IFT80: variants seen among roughly 807,000 people sequenced by gnomAD.
IFT80 encodes the protein intraflagellar transport 80, also known as intraflagellar transport protein 80 homolog.
IFT80 carries 79 observed loss-of-function variants against 107.9 expected under a neutral mutation model. The observed-to-expected ratio is 0.73, with a 90% CI of 0.61 to 0.88. The LOEUF is 0.88. Among genes scored for constraint, IFT80 ranks in the 40% least tolerant of loss-of-function variants. The pLI is 0.00. For synonymous variants in IFT80, 299 were observed against 300.9 expected (o/e 0.99, Z 0.07); for missense variants, 797 against 914.2 (o/e 0.87, Z 1.65).
chr3:160,340,163 A>T (rs1012625826), intron 8 of IFT80, among the ~76,000 whole-genome samples: 14 of 152,218 alleles, frequency 9.2e-5, no homozygotes, highest in Admixed American at 2.6e-4. Flanking sequence ...ATTTTAAGAA[A>T]TAATTTCTTA....
At chr3:160,353,025 T>C (rs530936520) in intron 8 of IFT80, among the ~76,000 whole-genome samples, 2 of 152,294 alleles carry the variant, frequency 1.3e-5, no homozygotes, top group African/African-American at 4.8e-5. Flanking sequence ...AAGGTAACTA[T>C]CTAAAATTGA....
In IFT80 at chr3:160,305,695, T is replaced by C. The variant is rs77334038; in HGVS notation, c.1077-1706A>G. Reference sequence around the variant, plus strand: ...TGAAAAATCAAATGAAAATTTAATGTAGAATGCTTATATATTGTTTTCTTT... The same window carrying C: ...TGAAAAATCAAATGAAAATTTAATGCAGAATGCTTATATATTGTTTTCTTT... On this transcript the variant is annotated intron_variant, in intron 10 of 19. Coordinates refer to ENST00000326448, the MANE Select transcript of IFT80 (RefSeq NM_020800.3). Among the ~76,000 whole-genome samples, 436 of 152,288 alleles carry C rather than the reference T, an allele frequency of 2.9e-3. 4 individuals carry two copies. Among genetic ancestry groups the C allele is most frequent in the African/African-American group, 9.9e-3 (411 of 41,572 alleles).
intron 4 of IFT80, among the ~76,000 whole-genome samples, chr3:160,377,046 T>C (rs1455454375): frequency 1.3e-5 from 2 of 152,194 alleles, no homozygotes; most frequent in Non-Finnish European, 2.9e-5. Context: ...TAAGAGTCAT[T>C]TGTTATGAGC....
rs1029506276 is a variant in IFT80 at position 160,322,960 on chromosome 3, C to T, written c.778-3021G>A. On this transcript the variant is annotated intron_variant, in intron 8 of 19. Transcript: ENST00000326448. ...AGCCCTTTGTCAGATGAGTAGGTTGCGAAAATTTTCTCCCATTTTGTAGGT... is the reference window on the plus strand; with the variant it reads ...AGCCCTTTGTCAGATGAGTAGGTTGTGAAAATTTTCTCCCATTTTGTAGGT... Among the ~76,000 whole-genome samples the T allele has an allele frequency of 1.8e-4, 28 of 151,738 alleles. No homozygotes were observed. In the South Asian group the frequency reaches 3.7e-3, roughly 20 times the overall value.
intron 8 of IFT80, 110 bp from the exon 9 acceptor site, chr3:160,320,049 T>C: frequency 1.4e-6 from 1 of 738,354 alleles, no homozygotes; most frequent in East Asian, 2.7e-5. Context: ...AGAATGTCTA[T>C]TCTGGAATTA....
At chr3:160,285,766 A>G (rs1446374717) in intron 13 of IFT80, 38 bp downstream of exon 13, 3 of 1,220,282 alleles carry the variant, frequency 2.5e-6, no homozygotes, top group Non-Finnish European at 3.6e-6. Flanking sequence ...ATAAATAAAT[A>G]GTGGCTATTT....
At chr3:160,345,268 A>G (rs913661114) in intron 8 of IFT80, among the ~76,000 whole-genome samples, 1 of 152,178 alleles carries the variant, frequency 6.6e-6, no homozygotes, top group African/African-American at 2.4e-5. Context: ...AATTAATGAG[A>G]TCCTGTTATT....
chr3:160,290,484 T>C (rs952651152), intron 12 of IFT80, among the ~76,000 whole-genome samples: 3 of 150,518 alleles, frequency 2.0e-5, no homozygotes, highest in African/African-American at 2.4e-5. Flanking sequence ...TGAGAAGATA[T>C]AGAAATGCAA....
intron 6 of IFT80, among the ~76,000 whole-genome samples, chr3:160,360,368 A>C (rs758116926): frequency 2.0e-5 from 3 of 152,244 alleles, no homozygotes; most frequent in African/African-American, 4.8e-5. Flanking sequence ...AAAAGACCAA[A>C]TCTACATTTG....
chr3:160,277,258 C>T (rs1442822505), intron 18 of IFT80, 48 bp downstream of exon 18: 1 of 1,527,298 alleles, frequency 6.5e-7, no homozygotes, highest in African/African-American at 1.4e-5. Flanking sequence ...TGGAAAAATA[C>T]ATTAAGGTCA....
Position 160,258,531 on chromosome 3 carries a change from C to CA in IFT80, c.2327_2328insT (p.Lys776AsnfsTer24). ...TTAAAGATACGCATGGCATTTAGGG[C>CA]TTTAAACCTATACTCTTGCTGGATT... is the stretch of plus-strand genomic sequence containing the variant. On this transcript the variant is annotated frameshift_variant, in exon 20 of 20. Transcript: ENST00000326448. LOFTEE classifies it high-confidence loss of function. The CA allele has an allele frequency of 6.2e-7, 1 of 1,613,654 alleles. No individual in the cohort carries two copies. The highest frequency in any genetic ancestry group is 1.3e-5 in the African/African-American group (1 of 74,978).
chr3:160,357,191 C>T (rs927426039), intron 7 of IFT80, among the ~76,000 whole-genome samples: 1 of 152,134 alleles, frequency 6.6e-6, no homozygotes, highest in East Asian at 1.9e-4. Flanking sequence ...CCTCAACCAC[C>T]TGTGCTCAAG....
rs755599850 is a variant in IFT80 at position 160,291,430 on chromosome 3, C to T, written c.1316-5562G>A. 2.0e-5 allele frequency among the ~76,000 whole-genome samples: 3 copies of T among 152,274 alleles called. No individual in the cohort carries two copies. The South Asian group carries it at 6.2e-4, about 32-fold the overall frequency. ...GTTACACAGTGTATTCATGAGTCTA[C>T]CTGCTCTGATGGACTTTGGAACCAC... is the stretch of plus-strand genomic sequence containing the variant. On this transcript the variant is annotated intron_variant, in intron 12 of 19. Transcript: ENST00000326448.
At chr3:160,285,117 T>C (rs896006013) in intron 13 of IFT80, among the ~76,000 whole-genome samples, 1 of 152,156 alleles carries the variant, frequency 6.6e-6, no homozygotes, top group African/African-American at 2.4e-5. Flanking sequence ...GGCGAGTGGA[T>C]TGCTTGAGCT....
intron 5 of IFT80, among the ~76,000 whole-genome samples, chr3:160,366,627 G>A (rs1721885829): frequency 6.6e-6 from 1 of 151,934 alleles, no homozygotes; most frequent in South Asian, 2.1e-4. Context: ...CAGTCTTGGG[G>A]CTTGGCTGCA....
chr3:160,312,194 A>G (rs939811860), intron 9 of IFT80, among the ~76,000 whole-genome samples: 1 of 152,096 alleles, frequency 6.6e-6, no homozygotes, highest in Non-Finnish European at 1.5e-5. Context: ...CTCTGGGTCT[A>G]TGTGAATGGT....
intron 1 of IFT80, among the ~76,000 whole-genome samples, chr3:160,397,428 T>G (rs1040670171): frequency 6.6e-6 from 1 of 152,194 alleles, no homozygotes; most frequent in African/African-American, 2.4e-5. Flanking sequence ...TTCCTCTAAC[T>G]TGATATCCCA....
chr3:160,288,814 G>C (rs1340940941), intron 12 of IFT80, among the ~76,000 whole-genome samples: 1 of 152,218 alleles, frequency 6.6e-6, no homozygotes, highest in Non-Finnish European at 1.5e-5. Context: ...AATAACAGAT[G>C]CTGGTGATTT....
chr3:160,324,093 T>G (rs771184172), intron 8 of IFT80, among the ~76,000 whole-genome samples: 2 of 152,062 alleles, frequency 1.3e-5, no homozygotes, highest in Non-Finnish European at 2.9e-5. Context: ...AAGTTGAATC[T>G]CTGAATAGAC....
Sources: allele counts gnomAD v4.1 joint callset (sites outside exome capture counted in the v4.1 genomes callset), GRCh38; gene constraint gnomAD v4.1.1; transcripts MANE v1.5; gene names NCBI Gene and HGNC (gene_info 2026-07-23, HGNC 2026-07-21).